Variants in CORO1C observed in about 807,000 individuals in gnomAD.
CORO1C encodes the protein coronin 1C.
A neutral mutation model predicts 51.2 loss-of-function variants in CORO1C; 14 were observed. That is an observed-to-expected ratio of 0.27 (90% CI 0.18 to 0.43). CORO1C has a LOEUF of 0.43. Ranked by LOEUF, CORO1C falls within the 20% of genes least tolerant of loss-of-function variation. The pLI is 1.00. For missense variants in CORO1C, 417 were observed against 607.8 expected, an observed-to-expected ratio of 0.69 and a Z score of 3.30; for synonymous variants, 181 against 210.5, an observed-to-expected ratio of 0.86 and a Z score of 1.21.
At chr12:108,702,974 G>A (rs1247545167) in intron 1 of CORO1C, 3 of 1,502,982 alleles carry the variant, frequency 2.0e-6, no homozygotes, top group Non-Finnish European at 2.7e-6. Context: ...AGAGGAGATG[G>A]CAAATGATTC....
chr12:108,725,146 A>G (rs918490837), intron 1 of CORO1C, among the ~76,000 whole-genome samples: 55 of 152,326 alleles, frequency 3.6e-4, no homozygotes, highest in African/African-American at 1.3e-3. Flanking sequence ...GACAGATGCA[A>G]AAACACTGGA....
intron 2 of CORO1C, among the ~76,000 whole-genome samples, chr12:108,688,667 G>A (rs1176762501): frequency 6.6e-6 from 1 of 152,188 alleles, no homozygotes; most frequent in Non-Finnish European, 1.5e-5. Context: ...AGCACTTTGA[G>A]AGGCCGAGGC....
chr12:108,716,190 T>C (rs1288435658), intron 1 of CORO1C, among the ~76,000 whole-genome samples: 1 of 146,676 alleles, frequency 6.8e-6, no homozygotes, highest in African/African-American at 2.5e-5. Flanking sequence ...ATTCTTTCTA[T>C]ATTGATGACC....
intron 1 of CORO1C, among the ~76,000 whole-genome samples, chr12:108,727,104 G>A (rs1304911326): frequency 6.6e-6 from 1 of 152,174 alleles, no homozygotes; most frequent in Non-Finnish European, 1.5e-5. Context: ...ATATCCAGTA[G>A]GCACTAATGA....
At chr12:108,656,401 C>G (rs535840869) in intron 6 of CORO1C, among the ~76,000 whole-genome samples, 26 of 150,896 alleles carry the variant, frequency 1.7e-4, no homozygotes, top group African/African-American at 6.3e-4. Flanking sequence ...AGCCCCCGCC[C>G]GGCCAGCAGC....
At chr12:108,677,794 G>A (rs1456402542) in intron 3 of CORO1C, among the ~76,000 whole-genome samples, 4 of 152,078 alleles carry the variant, frequency 2.6e-5, no homozygotes, top group African/African-American at 7.2e-5. Context: ...CGAGGCAGGC[G>A]GATCACTTGA....
intron 6 of CORO1C, among the ~76,000 whole-genome samples, chr12:108,656,894 C>A (rs547190786): frequency 6.6e-6 from 1 of 152,250 alleles, no homozygotes; most frequent in South Asian, 2.1e-4. Flanking sequence ...CTCAAGTACC[C>A]AGGGACACAA....
chr12:108,672,250 T>C (rs373098449), intron 3 of CORO1C, among the ~76,000 whole-genome samples: 7 of 152,236 alleles, frequency 4.6e-5, no homozygotes, highest in East Asian at 1.9e-4. Context: ...TACTTCAATG[T>C]AGTTACTCAC....
intron 1 of CORO1C, among the ~76,000 whole-genome samples, chr12:108,725,527 A>T (rs1288166541): frequency 6.6e-6 from 1 of 152,226 alleles, no homozygotes; most frequent in East Asian, 1.9e-4. Flanking sequence ...AGTCACAGCT[A>T]GCAAGAAGCG....
intron 3 of CORO1C, among the ~76,000 whole-genome samples, chr12:108,669,386 A>G (rs1228296555): frequency 3.9e-5 from 6 of 152,210 alleles, no homozygotes; most frequent in Non-Finnish European, 8.8e-5. Context: ...CACTATAGGT[A>G]TCCATCAAAA....
intron 3 of CORO1C, among the ~76,000 whole-genome samples, chr12:108,670,438 G>C (rs975372219): frequency 1.3e-5 from 2 of 152,168 alleles, no homozygotes; most frequent in Non-Finnish European, 2.9e-5. Flanking sequence ...TCCCTTCCAG[G>C]ATGGGCCCAC....
intron 1 of CORO1C, among the ~76,000 whole-genome samples, chr12:108,718,413 A>T (rs954534511): frequency 3.3e-5 from 5 of 150,704 alleles, no homozygotes; most frequent in Non-Finnish European, 5.9e-5. Context: ...GTGGTGGCAC[A>T]TGCCTGTAAT....
chr12:108,689,969 C>T (rs1484067535), intron 2 of CORO1C, among the ~76,000 whole-genome samples: 3 of 152,148 alleles, frequency 2.0e-5, no homozygotes, highest in East Asian at 1.9e-4. Context: ...GAGTCAAAAG[C>T]GTATCTATTG....
At chr12:108,726,299 G>C (rs966902567) in intron 1 of CORO1C, among the ~76,000 whole-genome samples, 2 of 150,940 alleles carry the variant, frequency 1.3e-5, no homozygotes, top group African/African-American at 4.9e-5. Context: ...GGCGCCTGTA[G>C]TCCCAGCTAC....
chr12:108,652,834 C>A (rs561527065), intron 7 of CORO1C, among the ~76,000 whole-genome samples: 1 of 151,124 alleles, frequency 6.6e-6, no homozygotes, highest in African/African-American at 2.4e-5. Flanking sequence ...ACTGGCATAA[C>A]GCAATGCTGT....
At chr12:108,727,449 G>A (rs1005836755) in intron 1 of CORO1C, among the ~76,000 whole-genome samples, 1 of 152,174 alleles carries the variant, frequency 6.6e-6, no homozygotes, top group Non-Finnish European at 1.5e-5. Flanking sequence ...GACATTGGAA[G>A]GGGAATAGTG....
In CORO1C at chr12:108,658,747, C is replaced by T; in HGVS notation, c.621G>A (p.Glu207=). The stretch of plus-strand genomic sequence containing the variant: ...TCCTAGGAATACTCACAGCAACAAT[C>T]TCTTGTTTCCTGGGATCAATGACTC... ...KVRVIDPRKQ[E]IVAEKEKAHE... Residue 207 remains glutamate (E), a synonymous_variant, in exon 5 of 11, where the codon GAG becomes GAA. Transcript: ENST00000261401. This position sits in a 1 kb window ranked among gnomAD's most constrained non-coding sequence, Gnocchi z 4.9. 6.2e-7 allele frequency: 1 copy of T among 1,608,388 alleles called. No homozygotes were observed. Among genetic ancestry groups the T allele is most frequent in the South Asian group, 1.1e-5 (1 of 90,978 alleles).
Position 108,666,714 on chromosome 12 carries a change from A to G in CORO1C, c.319-4556T>C, listed in dbSNP as rs140514721. ...AGGCTCCTGTCAGAGCTGGGACACT[A>G]ATTGGTCATGTTAGCATTAAGAAGG... On this transcript the variant is annotated intron_variant, in intron 3 of 10. Transcript: ENST00000261401. Among the ~76,000 whole-genome samples, 584 of 152,280 alleles carry G rather than the reference A, an allele frequency of 3.8e-3. 1 individual carries two copies. Among genetic ancestry groups the G allele is most frequent in the Non-Finnish European group, 6.4e-3 (437 of 68,028 alleles).
chr12:108,677,006 C>G (rs1419783352), intron 3 of CORO1C, among the ~76,000 whole-genome samples: 1 of 152,116 alleles, frequency 6.6e-6, no homozygotes, highest in Non-Finnish European at 1.5e-5. Context: ...TTAAATGACA[C>G]AGTTCAGGAA....
Sources: gnomAD v4.1 joint callset for allele counts (sites outside exome capture counted in the v4.1 genomes callset) on GRCh38, gnomAD v4.1.1 for gene constraint, Gnocchi (gnomAD v3.1) non-coding constraint, MANE v1.5 for transcripts, NCBI Gene and HGNC (gene_info 2026-07-23, HGNC 2026-07-21) for gene names.